The following ANO7 variants were observed in gnomAD, a reference collection of about 807,000 sequenced individuals.
ANO7 encodes anoctamin 7, also known as anoctamin-7.
ANO7 carries 114 observed loss-of-function variants against 115.8 expected under a neutral mutation model. The ratio of observed to expected loss-of-function variants is 0.98; its 90% CI spans 0.85 to 1.15. ANO7 has a LOEUF of 1.15. Ranked by LOEUF, ANO7 falls within the 50% of genes most tolerant of loss-of-function variation. The probability of loss-of-function intolerance (pLI) is 0.00; values close to 1 mark genes in which losing one functional copy is unlikely to be tolerated. For synonymous variants in ANO7, 550 were observed against 498.2 expected (o/e 1.10, Z -1.38); for missense variants, 1,302 against 1,201.2 (o/e 1.08, Z -1.24).
Position 241,214,753 on chromosome 2 carries a change from G to A in ANO7, c.1729-52G>A, listed in dbSNP as rs998855463. ...AGCTTTGAGACAAGAAGGGATGCGT[G>A]GGTGAGTGGCTGGTCCCCCTCTCCC... On this transcript the variant is annotated intron_variant, in intron 17 of 24. Transcript: ENST00000674324. The A allele has an allele frequency of 3.3e-6, 5 of 1,532,962 alleles. No homozygotes were observed. In the Admixed American group the frequency reaches 5.1e-5, roughly 16 times the overall value. The allele number at this position is 1,532,962 out of a possible 1,614,324, so 95.0% of individuals were successfully genotyped here. A position where few individuals can be genotyped will look rare whatever the true frequency, so the allele number is the denominator to read the frequency against.
rs777368466 is a variant in ANO7, at chr2:241,210,460, C to G, written c.1459-8C>G. On this transcript the variant is annotated splice_region_variant and splice_polypyrimidine_tract_variant and intron_variant, in intron 14 of 24. Coordinates refer to ENST00000674324, the MANE Select transcript of ANO7 (RefSeq NM_001370694.2). ...CTCATCCGGCTCTGACGGCCTGTCT[C>G]CCGTTAGGCCTCTCGCATCGCCAGC... 6.2e-7 allele frequency: 1 copy of G among 1,613,892 alleles called. No individual in the cohort carries two copies. Among genetic ancestry groups the G allele is most frequent in the Admixed American group, 1.7e-5 (1 of 60,036 alleles).
At chr2:241,230,183 G>C, downstream of ANO7, 1 of 1,613,614 alleles carries the variant, frequency 6.2e-7, no homozygotes, top group Non-Finnish European at 8.5e-7. This position sits in a 1 kb window ranked among gnomAD's most constrained non-coding sequence, Gnocchi z 5.0. Flanking sequence ...GGATGTGGTC[G>C]ATGGCTTCCT....
chr2:241,210,770 C>T (rs1483068670), intron 15 of ANO7, among the ~76,000 whole-genome samples, 200 bp downstream of exon 15: 2 of 152,342 alleles, frequency 1.3e-5, no homozygotes, highest in South Asian at 2.1e-4. Context: ...GCCTTGACCT[C>T]CCAGGCTCAA....
intron 24 of ANO7, 24 bp downstream of exon 24, chr2:241,223,979 C>T: frequency 6.2e-7 from 1 of 1,613,956 alleles, no homozygotes; most frequent in Non-Finnish European, 8.5e-7. Flanking sequence ...CAGCCAGGCC[C>T]CTGCCCCGTG....
chr2:241,228,894 C>T (rs2069388952), downstream of ANO7: 1 of 152,830 alleles, frequency 6.5e-6, no homozygotes, highest in African/African-American at 2.4e-5. Flanking sequence ...GTGCCTACCA[C>T]CTTGCCTCCA....
chr2:241,223,577 C>T (rs2069078032), intron 22 of ANO7, 85 bp from the exon 23 acceptor site: 2 of 1,550,826 alleles, frequency 1.3e-6, no homozygotes, highest in Non-Finnish European at 1.7e-6. Context: ...CAGCTGGGAG[C>T]AGGTGCCGGA....
At chr2:241,205,025 C>T (rs2149184356) in intron 10 of ANO7, 70 bp downstream of exon 10, 1 of 1,384,126 alleles carries the variant, frequency 7.2e-7, no homozygotes, top group South Asian at 1.2e-5. Context: ...GCGGGGGGAC[C>T]CCTAGGTGCT....
At chr2:241,240,062 C>T in the ANO7 span, 1 of 1,614,176 alleles carries the variant, frequency 6.2e-7, no homozygotes, top group Non-Finnish European at 8.5e-7. This position sits in a 1 kb window ranked among gnomAD's most constrained non-coding sequence, Gnocchi z 5.5. Context: ...CCCCCCTTGC[C>T]GATGAGGAAT....
chr2:241,198,786 G>A (rs546765565), intron 4 of ANO7, among the ~76,000 whole-genome samples: 14 of 152,312 alleles, frequency 9.2e-5, no homozygotes, highest in Non-Finnish European at 1.8e-4. Flanking sequence ...AACCCACCCC[G>A]GGCTCCAGGA....
downstream of ANO7, among the ~76,000 whole-genome samples, chr2:241,226,063 G>A (rs962911979): frequency 1.3e-5 from 2 of 152,094 alleles, no homozygotes; most frequent in Non-Finnish European, 2.9e-5. Context: ...CAGCACGTGG[G>A]TAAAAGGCAA....
At chr2:241,202,412 G>A in intron 8 of ANO7, 108 bp downstream of exon 8, 1 of 931,462 alleles carries the variant, frequency 1.1e-6, no homozygotes, top group Non-Finnish European at 1.7e-6. Context: ...CAGCCGGCGT[G>A]GCCACCCAGG....
At chr2:241,219,173 C>T (rs769868872) in intron 21 of ANO7, among the ~76,000 whole-genome samples, 2 of 152,158 alleles carry the variant, frequency 1.3e-5, no homozygotes, top group African/African-American at 2.4e-5. Context: ...GTGGAGACTT[C>T]CTTTGTGATC....
At chr2:241,236,415 C>G in the ANO7 span, 2 of 606,518 alleles carry the variant, frequency 3.3e-6, no homozygotes, top group South Asian at 2.0e-5. Context: ...AACCCCGAGC[C>G]TTGGTGAAGG....
chr2:241,203,507 C>A lies in ANO7; in HGVS notation c.889+9C>A. 1 of 1,454,932 alleles carries A rather than the reference C, an allele frequency of 6.9e-7. No individual in the cohort carries two copies. The highest frequency in any genetic ancestry group is 9.1e-7 in the Non-Finnish European group (1 of 1,100,180). 90.1% of individuals were successfully genotyped at this position (1,454,932 alleles called of 1,614,324 possible). On this transcript the variant is annotated intron_variant, in intron 9 of 24. Coordinates refer to ENST00000674324, the MANE Select transcript of ANO7 (RefSeq NM_001370694.2). The surrounding 1 kb of genome is among the most constrained non-coding windows in gnomAD (Gnocchi z 4.8). ...CTACTTCGCCTGGCTCGGTGAGTCC[C>A]CCCCGCTGCCCCCCAGACCACCTGG...
rs1432378004 is a variant in ANO7, at chr2:241,202,280, C to T, written c.699C>T (p.Leu233=). 6.2e-7 allele frequency: 1 copy of T among 1,613,330 alleles called. No homozygotes were observed. The highest frequency in any genetic ancestry group is 8.5e-7 in the Non-Finnish European group (1 of 1,179,936). The part of the protein sequence containing the change: ...GIHQLLAEGV[L]SAAFPLHDGP... The stretch of plus-strand genomic sequence containing the variant: ...ACCAGCTGCTGGCAGAGGGTGTCCT[C>T]AGTGCCGCCTTCCCCCTGCATGACG... The change falls in exon 8 of 25, where the codon CTC becomes CTT. Residue 233 remains leucine (L), a synonymous_variant. Coordinates refer to ENST00000674324, the MANE Select transcript of ANO7 (RefSeq NM_001370694.2).
At chr2:241,239,810 A>G in the ANO7 span, 30 of 1,613,728 alleles carry the variant, frequency 1.9e-5, no homozygotes, top group Non-Finnish European at 1.9e-5. The surrounding 1 kb of genome is among the most constrained non-coding windows in gnomAD (Gnocchi z 4.6). Flanking sequence ...GGAGTCTTCC[A>G]CCACATTATC....
At chr2:241,217,542 C>A (rs892488813) in intron 19 of ANO7, 144 bp from the exon 20 acceptor site, 2 of 962,024 alleles carry the variant, frequency 2.1e-6, no homozygotes, top group Non-Finnish European at 3.1e-6. Context: ...CGGTCCAGGA[C>A]GAGGGAGACC....
downstream of ANO7, chr2:241,228,808 G>GT (rs761250846): frequency 6.5e-6 from 1 of 152,880 alleles, no homozygotes; most frequent in African/African-American, 2.4e-5. Context: ...GAGGACAAGC[G>GT]TAAGGCCCTA....
chr2:241,235,645 CGTT>C, the ANO7 span: 26 of 1,320,838 alleles, frequency 2.0e-5, no homozygotes, highest in Non-Finnish European at 2.6e-5. Flanking sequence ...AGCAGAGTGA[CGTT>C]GTAAGCTCAG....
Sources: allele counts gnomAD v4.1 joint callset (sites outside exome capture counted in the v4.1 genomes callset), GRCh38; gene constraint gnomAD v4.1.1; non-coding constraint Gnocchi (gnomAD v3.1); transcripts MANE v1.5; gene names NCBI Gene and HGNC (gene_info 2026-07-23, HGNC 2026-07-21).